The following ZNF140 variants were observed in gnomAD, a reference collection of about 807,000 sequenced individuals.
The protein encoded by ZNF140 is zinc finger protein 140 (clone pHZ-39).
In ZNF140, 13 loss-of-function variants were observed where a neutral mutation model predicts 12.9. That is an observed-to-expected ratio of 1.01 (90% CI 0.66 to 1.60). The LOEUF is 1.60. ZNF140 is among the 40% of genes most tolerant of loss of function. The probability of loss-of-function intolerance (pLI) is 0.00; values close to 1 mark genes in which losing one functional copy is unlikely to be tolerated. For missense variants in ZNF140, 531 were observed against 548.8 expected, an observed-to-expected ratio of 0.97 and a Z score of 0.32; for synonymous variants, 214 against 186.7, an observed-to-expected ratio of 1.15 and a Z score of -1.19.
chr12:133,088,654 A>G (rs1338963838), intron 4 of ZNF140, among the ~76,000 whole-genome samples: 2 of 152,314 alleles, frequency 1.3e-5, no homozygotes, highest in East Asian at 1.9e-4. Context: ...GTAAGAATAT[A>G]TTTAGTTTTG....
At chr12:133,098,340 G>C (rs1955214949) in intron 4 of ZNF140, among the ~76,000 whole-genome samples, 1 of 151,992 alleles carries the variant, frequency 6.6e-6, no homozygotes, top group Non-Finnish European at 1.5e-5. Flanking sequence ...GAGTTCAACA[G>C]ATCCTCCTGC....
At chr12:133,098,978 C>A (rs1035347536) in intron 4 of ZNF140, among the ~76,000 whole-genome samples, 3 of 151,286 alleles carry the variant, frequency 2.0e-5, no homozygotes, top group African/African-American at 7.3e-5. Flanking sequence ...TGGGTTTAAG[C>A]GATTCTTCTG....
At position 133,100,160 on chromosome 12, in the gene ZNF140, G is replaced by GTTTTTTTTTTTTT. The variant is rs58610589; in HGVS notation, c.233-5335_233-5323dup. On this transcript the variant is annotated intron_variant, in intron 4 of 4. Coordinates refer to ENST00000355557, the MANE Select transcript of ZNF140 (RefSeq NM_003440.4). ...CATCCAAAAATTTAATGCCTTTTCC[G>GTTTTTTTTTTTTT]TTTTTTTTTTTTTTTTTTTTTTTTT... Among the ~76,000 whole-genome samples the GTTTTTTTTTTTTT allele has an allele frequency of 2.1e-4, 13 of 60,978 alleles. 1 individual carries two copies. The highest frequency in any genetic ancestry group is 7.1e-4 in the African/African-American group (9 of 12,612). 40.0% of individuals were successfully genotyped at this position (60,978 alleles called of 152,430 possible).
intron 4 of ZNF140, among the ~76,000 whole-genome samples, chr12:133,094,231 C>T (rs1954990775): frequency 7.5e-6 from 1 of 134,006 alleles, no homozygotes; most frequent in South Asian, 2.3e-4. Flanking sequence ...AGAACTTGAG[C>T]TACAAAAGTC....
chr12:133,091,041 C>T (rs922360269), intron 4 of ZNF140, among the ~76,000 whole-genome samples: 25 of 149,056 alleles, frequency 1.7e-4, no homozygotes, highest in East Asian at 1.4e-3. Context: ...AGACAGGAGA[C>T]AGTGGCCTTC....
At chr12:133,090,590 A>G (rs1954822017) in intron 4 of ZNF140, among the ~76,000 whole-genome samples, 1 of 151,946 alleles carries the variant, frequency 6.6e-6, no homozygotes, top group South Asian at 2.1e-4. Context: ...GGGTGGGACA[A>G]GAGACTGAGA....
chr12:133,096,165 G>A (rs1212333800), intron 4 of ZNF140, among the ~76,000 whole-genome samples: 1 of 143,366 alleles, frequency 7.0e-6, no homozygotes, highest in Non-Finnish European at 1.6e-5. Context: ...GGTCCCTGTG[G>A]CTTTCTGCAG....
At position 133,083,230 on chromosome 12, in the gene ZNF140, G is replaced by A. The variant is rs1242059893; in HGVS notation, c.136+1G>A. ...AACTATGGCCATCTGGTCTCACTGG[G>A]TAAGTATTCTTCTTCATCTCCCTCA... is the stretch of plus-strand genomic sequence containing the variant. On this transcript the variant is annotated splice_donor_variant, in intron 3 of 4. Coordinates refer to ENST00000355557, the MANE Select transcript of ZNF140 (RefSeq NM_003440.4). LOFTEE classifies it high-confidence loss of function. 6 of 1,609,100 alleles carry A rather than the reference G, an allele frequency of 3.7e-6. No homozygotes were observed. The highest frequency in any genetic ancestry group is 5.1e-6 in the Non-Finnish European group (6 of 1,176,296).
intron 4 of ZNF140, among the ~76,000 whole-genome samples, chr12:133,099,529 T>A (rs1017143469): frequency 2.3e-4 from 35 of 152,222 alleles, no homozygotes; most frequent in African/African-American, 7.0e-4. Flanking sequence ...TAATTAAGAA[T>A]AAGAAAACTA....
chr12:133,105,997 T>TG lies in ZNF140; in HGVS notation c.724dup (p.Glu242GlyfsTer5). ...TTATTGAACACCAGAGAACGCACAC[T>TG]GGGGAGAAACCTTATGAATGTACTG... On this transcript the variant is annotated frameshift_variant, in exon 5 of 5. Coordinates refer to ENST00000355557, the MANE Select transcript of ZNF140 (RefSeq NM_003440.4). LOFTEE classifies it low-confidence loss of function (END_TRUNC). 1 of 1,614,130 alleles carries TG rather than the reference T, an allele frequency of 6.2e-7. No individual in the cohort carries two copies. Among genetic ancestry groups the TG allele is most frequent in the Non-Finnish European group, 8.5e-7 (1 of 1,180,034 alleles).
At position 133,097,402 on chromosome 12, in the gene ZNF140, G is replaced by A. The variant is rs1430025578; in HGVS notation, c.233-8108G>A. Among the ~76,000 whole-genome samples the A allele has an allele frequency of 1.1e-4, 16 of 152,166 alleles. No homozygotes were observed. The South Asian group carries it at 3.1e-3, about 30-fold the overall frequency. ...CTCACGCCTGTAATCCTGGCACTATGGGAGGCCAAGGTGGGCAGATCATGA... is the reference window on the plus strand; with the variant it reads ...CTCACGCCTGTAATCCTGGCACTATAGGAGGCCAAGGTGGGCAGATCATGA... On this transcript the variant is annotated intron_variant, in intron 4 of 4. Transcript: ENST00000355557.
chr12:133,083,185 A>G lies in ZNF140; in HGVS notation c.92A>G (p.Tyr31Cys). 1 of 1,614,200 alleles carries G rather than the reference A, an allele frequency of 6.2e-7. No homozygotes were observed. The highest frequency in any genetic ancestry group is 8.5e-7 in the Non-Finnish European group (1 of 1,180,042). ...CTTCAGCCTGCTCAAAGAGATTTGT[A>G]CAGATGTGTAATGTTGGAGAACTAT... ...KWLQPAQRDLYRCVMLENYGH... is the reference protein window; with the variant it reads ...KWLQPAQRDLCRCVMLENYGH... Residue 31 changes from tyrosine (Y) to cysteine (C), a missense_variant, in exon 3 of 5, where the codon TAC (tyrosine) becomes TGC (cysteine). Tyr to Cys is a radical substitution (Grantham distance 194). Transcript: ENST00000355557.
intron 2 of ZNF140, 95 bp downstream of exon 2, chr12:133,081,424 C>T: frequency 3.1e-6 from 1 of 327,252 alleles, no homozygotes; most frequent in Non-Finnish European, 5.9e-6. Context: ...GTCGCCCAGG[C>T]AGTGGAGCGA....
At chr12:133,091,304 G>A (rs981687361) in intron 4 of ZNF140, among the ~76,000 whole-genome samples, 1 of 151,096 alleles carries the variant, frequency 6.6e-6, no homozygotes, top group Non-Finnish European at 1.5e-5. Flanking sequence ...TATACTGCTT[G>A]TAAACATTTT....
chr12:133,106,204 A>AT lies in ZNF140; in HGVS notation c.930dup (p.Arg311SerfsTer20). ...ATGAATGCATTGAATGTGGGAAGGCATTTCGCCGTTTCTCACACCTTACTC... is the reference window on the plus strand; with the variant it reads ...ATGAATGCATTGAATGTGGGAAGGCATTTTCGCCGTTTCTCACACCTTACTC... On this transcript the variant is annotated frameshift_variant, in exon 5 of 5. Transcript: ENST00000355557. LOFTEE classifies it low-confidence loss of function (END_TRUNC). 6.2e-7 allele frequency: 1 copy of AT among 1,614,104 alleles called. No homozygotes were observed.
intron 4 of ZNF140, among the ~76,000 whole-genome samples, chr12:133,096,456 G>T (rs1028675135): frequency 6.6e-6 from 1 of 152,132 alleles, no homozygotes; most frequent in Non-Finnish European, 1.5e-5. Flanking sequence ...GTGACAGTCT[G>T]ATCTCCCTCT....
intron 4 of ZNF140, among the ~76,000 whole-genome samples, chr12:133,096,913 T>A (rs1955151013): frequency 6.6e-6 from 1 of 152,246 alleles, no homozygotes; most frequent in Non-Finnish European, 1.5e-5. Context: ...TTAACGATTT[T>A]CTGCCTGCTG....
intron 2 of ZNF140, chr12:133,082,227 G>A (rs1954526828): frequency 6.6e-6 from 1 of 152,168 alleles, no homozygotes. Context: ...CAAATTCAGA[G>A]GTTCTCTGAG....
chr12:133,095,798 C>T (rs1480572534), intron 4 of ZNF140, among the ~76,000 whole-genome samples: 2 of 151,894 alleles, frequency 1.3e-5, no homozygotes, highest in Non-Finnish European at 2.9e-5. Context: ...TGCACGTAAT[C>T]CAGATTTATG....
Sources: gnomAD v4.1 joint callset for allele counts (sites outside exome capture counted in the v4.1 genomes callset) on GRCh38, gnomAD v4.1.1 for gene constraint, MANE v1.5 for transcripts, NCBI Gene and HGNC (gene_info 2026-07-23, HGNC 2026-07-21) for gene names.